ZNF449: variants seen among roughly 807,000 people sequenced by gnomAD.
ZNF449 encodes the protein zinc finger protein 449.
A neutral mutation model predicts 32.6 loss-of-function variants in ZNF449; 4 were observed. The ratio of observed to expected loss-of-function variants is 0.12; its 90% CI spans 0.06 to 0.28. The LOEUF is 0.28. Among genes scored for constraint, ZNF449 ranks in the 10% least tolerant of loss-of-function variants. ZNF449 has a pLI of 1.00. For missense variants in ZNF449, 275 were observed against 383.2 expected (o/e 0.72, Z 2.36); for synonymous variants, 123 against 132.2 (o/e 0.93, Z 0.48).
At position 135,359,972 on chromosome X, in the gene ZNF449, A is replaced by G; in HGVS notation, c.640A>G (p.Lys214Glu). ...ATGGGTGAAGGAATTACAGGATTCT[A>G]AAGAAATGAAACAATTACTTGATTC... is the stretch of plus-strand genomic sequence containing the variant. ...EPWVKELQDSKEMKQLLDSKI... is the reference protein window; with the variant it reads ...EPWVKELQDSEEMKQLLDSKI... Residue 214 changes from lysine to glutamate, a missense_variant, in exon 4 of 5, where the codon AAA becomes GAA. By Grantham distance (56) the Lys-to-Glu change is moderately conservative. Around this residue, in one of 3 missense-constraint regions of ZNF449, gnomAD observed 165 missense variants for 175.0 expected, o/e 0.94. Coordinates refer to ENST00000339249, the MANE Select transcript of ZNF449 (RefSeq NM_152695.6). 1 of 1,194,802 alleles carries G rather than the reference A, an allele frequency of 8.4e-7. No homozygotes were observed.
chrX:135,346,358 T>C (rs1556448250), intron 1 of ZNF449, among the ~76,000 whole-genome samples: 1 of 112,070 alleles, frequency 8.9e-6, no homozygotes, highest in Non-Finnish European at 1.9e-5. Context: ...GAATGAGAGA[T>C]GGACAATTTG....
At chrX:135,350,227 C>T (rs1454569683) in intron 3 of ZNF449, among the ~76,000 whole-genome samples, 1 of 110,858 alleles carries the variant, frequency 9.0e-6, no homozygotes, top group East Asian at 2.9e-4. Flanking sequence ...TCAGGTGATC[C>T]GCCTGCCTTG....
Position 135,360,771 on chromosome X carries a change from C to T in ZNF449, c.1252C>T (p.His418Tyr), listed in dbSNP as rs1556453572. Residue 418 changes from histidine to tyrosine, a missense_variant, in exon 5 of 5, where the codon CAT becomes TAT. His to Tyr is a moderately conservative substitution (Grantham distance 83, BLOSUM62 2). Around this residue, in one of 3 missense-constraint regions of ZNF449, gnomAD observed 80 missense variants for 146.6 expected, o/e 0.55. Coordinates refer to ENST00000339249, the MANE Select transcript of ZNF449 (RefSeq NM_152695.6). Reference protein sequence around the residue: ...KCLECGKSFCHGSSLKRHLKT... With the variant: ...KCLECGKSFCYGSSLKRHLKT... Reference sequence around the variant, plus strand: ...TCTTGAGTGTGGGAAAAGTTTTTGTCATGGATCAAGTCTTAAAAGACATCT... The same window carrying T: ...TCTTGAGTGTGGGAAAAGTTTTTGTTATGGATCAAGTCTTAAAAGACATCT... 2 of 1,209,651 alleles carry T rather than the reference C, an allele frequency of 1.7e-6. No individual in the cohort carries two copies. Among genetic ancestry groups the T allele is most frequent in the Non-Finnish European group, 1.1e-6 (1 of 895,113 alleles).
At position 135,360,488 on chromosome X, in the gene ZNF449, C is replaced by A. The variant is rs782664126; in HGVS notation, c.969C>A (p.His323Gln). 5.8e-6 allele frequency: 7 copies of A among 1,211,345 alleles called. No individual in the cohort carries two copies. The South Asian group carries it at 1.2e-4, about 21-fold the overall frequency. ...AAAAGAGTCCAGGAGAGAAACCTCA[C>A]CGATGTCCTCAGTGTGGAAAATGTT... The part of the protein sequence containing the change: ...HKKKSPGEKP[H>Q]RCPQCGKCFA... Residue 323 changes from histidine (H) to glutamine (Q), a missense_variant, in exon 5 of 5, where the codon CAC (histidine) becomes CAA (glutamine). By Grantham distance (24) the His-to-Gln change is conservative. Coordinates refer to ENST00000339249, the MANE Select transcript of ZNF449 (RefSeq NM_152695.6).
chrX:135,355,389 T>C (rs2084911500), intron 3 of ZNF449, among the ~76,000 whole-genome samples: 1 of 110,582 alleles, frequency 9.0e-6, no homozygotes, highest in South Asian at 3.8e-4. Context: ...TTCTGTTTTT[T>C]TGGGGGGGCC....
intron 2 of ZNF449, 21 bp downstream of exon 2, chrX:135,347,493 C>A: frequency 8.3e-7 from 1 of 1,209,916 alleles, no homozygotes; most frequent in Non-Finnish European, 1.1e-6. Flanking sequence ...AATGTGGGAT[C>A]TTTGTGATTG....
chrX:135,348,795 T>C, intron 2 of ZNF449: 1 of 1,029,642 alleles, frequency 9.7e-7, no homozygotes, highest in Non-Finnish European at 1.3e-6. Context: ...CATGTACAGC[T>C]CTTGAGCCCT....
intron 3 of ZNF449, among the ~76,000 whole-genome samples, chrX:135,353,637 C>G (rs1011817973): frequency 3.9e-4 from 43 of 111,347 alleles, no homozygotes; most frequent in African/African-American, 1.4e-3. Flanking sequence ...GCTTTGGTTT[C>G]TATCTGTAGG....
At chrX:135,346,996 T>G (rs2084852246) in intron 1 of ZNF449, 23 bp from the exon 2 acceptor site, 3 of 649,673 alleles carry the variant, frequency 4.6e-6, no homozygotes, top group African/African-American at 4.5e-5. Flanking sequence ...TGTTTCTCCT[T>G]TCTCATTTTT....
In ZNF449 at chrX:135,363,287, T is replaced by C. The variant is rs998200768; in HGVS notation, c.*2211T>C. ...CTCTGCAACCATGGCACTGTGATTA[T>C]GCATCATTTTTAGCATTTAATACAG... On this transcript the variant is annotated 3_prime_UTR_variant, in exon 5 of 5. Transcript: ENST00000339249. 3.6e-5 allele frequency: 4 copies of C among 112,263 alleles called. No homozygotes were observed. The highest frequency in any genetic ancestry group is 7.5e-5 in the Non-Finnish European group (4 of 53,250). The allele number at this position is 112,263 out of a possible 1,213,427, so 9.3% of individuals were successfully genotyped here.
rs1216150078 is a variant in ZNF449, at chrX:135,362,980, A to G, written c.*1904A>G. ...TTGATATCCCAGTAGCAATAAACAT[A>G]TAATATAGGAGGAGTCTGAATGTAG... On this transcript the variant is annotated 3_prime_UTR_variant, in exon 5 of 5. Transcript: ENST00000339249. 8.9e-6 allele frequency: 1 copy of G among 112,127 alleles called. No individual in the cohort carries two copies. Among genetic ancestry groups the G allele is most frequent in the East Asian group, 2.8e-4 (1 of 3,594 alleles). 9.2% of individuals were successfully genotyped at this position (112,127 alleles called of 1,213,427 possible). A position where few individuals can be genotyped will look rare whatever the true frequency, so the allele number is the denominator to read the frequency against.
intron 3 of ZNF449, among the ~76,000 whole-genome samples, chrX:135,354,169 T>G (rs2148505144): frequency 8.9e-6 from 1 of 112,576 alleles, no homozygotes; most frequent in African/African-American, 3.2e-5. Flanking sequence ...ACTTCTGAAA[T>G]TATTGTACCA....
At position 135,360,221 on chromosome X, in the gene ZNF449, A is replaced by G; in HGVS notation, c.702A>G (p.Glu234=). The part of the protein sequence containing the change: ...IGFEIGIENE[E]DTSKQKKMET... ...TTGAGATCGGGATAGAAAATGAAGA[A>G]GATACTTCAAAACAGAAAAAAATGG... is the stretch of plus-strand genomic sequence containing the variant. Residue 234 remains glutamate (E), a synonymous_variant, in exon 5 of 5, where the codon GAA becomes GAG. Coordinates refer to ENST00000339249, the MANE Select transcript of ZNF449 (RefSeq NM_152695.6). 2 of 1,189,037 alleles carry G rather than the reference A, an allele frequency of 1.7e-6. No homozygotes were observed. Among genetic ancestry groups the G allele is most frequent in the Non-Finnish European group, 2.3e-6 (2 of 888,094 alleles).
intron 2 of ZNF449, chrX:135,348,456 G>C (rs2084863745): frequency 7.6e-6 from 1 of 131,260 alleles, no homozygotes; most frequent in African/African-American, 3.3e-5. Flanking sequence ...CTCCCCATGG[G>C]GACAGTGGCA....
intron 3 of ZNF449, among the ~76,000 whole-genome samples, chrX:135,359,503 C>T (rs782717752): frequency 8.9e-6 from 1 of 111,780 alleles, no homozygotes; most frequent in East Asian, 2.8e-4. Context: ...TTACTACTTT[C>T]ACCTCTCTTT....
intron 3 of ZNF449, among the ~76,000 whole-genome samples, chrX:135,358,254 C>A (rs2084928252): frequency 9.0e-6 from 1 of 111,241 alleles, no homozygotes; most frequent in Non-Finnish European, 1.9e-5. Context: ...CTCTTTTCCC[C>A]CTTTTTGTGA....
At chrX:135,347,773 C>A in intron 2 of ZNF449, 14 of 725,191 alleles carry the variant, frequency 1.9e-5, no homozygotes, top group Non-Finnish European at 2.6e-5. Flanking sequence ...TGCTCCATGG[C>A]CTGAAGGCCA....
At chrX:135,354,814 G>C (rs1556451417) in intron 3 of ZNF449, among the ~76,000 whole-genome samples, 1 of 111,668 alleles carries the variant, frequency 9.0e-6, no homozygotes, top group African/African-American at 3.3e-5. Flanking sequence ...TAACACTTCT[G>C]ACCTTAGATC....
At chrX:135,347,895 C>T (rs1163892497) in intron 2 of ZNF449, 6 of 295,971 alleles carry the variant, frequency 2.0e-5, no homozygotes, top group South Asian at 2.4e-4. Context: ...GAATGTGCCC[C>T]ACAGTGCCTA....
Sources: gnomAD v4.1 joint callset for allele counts (sites outside exome capture counted in the v4.1 genomes callset) on GRCh38, gnomAD v4.1.1 for gene constraint, gnomAD v4.1.1 regional missense constraint, MANE v1.5 for transcripts, NCBI Gene and HGNC (gene_info 2026-07-23, HGNC 2026-07-21) for gene names.